Variants in ZNF385D observed in about 807,000 individuals in gnomAD.
ZNF385D encodes the protein zinc finger protein 385D, also known as zinc finger protein 659.
In ZNF385D, 15 loss-of-function variants were observed where a neutral mutation model predicts 35.8. The ratio of observed to expected loss-of-function variants is 0.42; its 90% confidence interval spans 0.28 to 0.64. The LOEUF is 0.64. Ranked by LOEUF, ZNF385D falls within the 30% of genes least tolerant of loss-of-function variation. The pLI is 0.23. For synonymous variants in ZNF385D, 212 were observed against 186.8 expected (o/e 1.13, Z -1.10); for missense variants, 474 against 494.6 (o/e 0.96, Z 0.39).
intron 3 of ZNF385D, among the ~76,000 whole-genome samples, chr3:21,815,166 T>G (rs957997085): frequency 6.6e-6 from 1 of 152,188 alleles, no homozygotes; most frequent in African/African-American, 2.4e-5. Context: ...CCAGAATCTC[T>G]GGGACACATT....
At chr3:21,951,270 T>C (rs1369731431) in intron 3 of ZNF385D, among the ~76,000 whole-genome samples, 1 of 151,708 alleles carries the variant, frequency 6.6e-6, no homozygotes, top group Non-Finnish European at 1.5e-5. Context: ...ACATCCCTTA[T>C]AAGTTGTATA....
intron 3 of ZNF385D, among the ~76,000 whole-genome samples, chr3:22,117,982 CAACTT>C (rs1702894689): frequency 6.6e-6 from 1 of 152,080 alleles, no homozygotes; most frequent in African/African-American, 2.4e-5. Flanking sequence ...AGAATAAAGT[CAACTT>C]AAAAAGGGTC....
At chr3:22,229,770 A>C (rs1304507566) in intron 2 of ZNF385D, among the ~76,000 whole-genome samples, 1 of 151,938 alleles carries the variant, frequency 6.6e-6, no homozygotes, top group Non-Finnish European at 1.5e-5. Flanking sequence ...CCACTGCTGG[A>C]TACGTTCTTT....
chr3:22,257,728 A>T (rs1275578389), intron 2 of ZNF385D, among the ~76,000 whole-genome samples: 1 of 151,790 alleles, frequency 6.6e-6, no homozygotes, highest in Non-Finnish European at 1.5e-5. Context: ...AACTCATACT[A>T]TCACTTTCTC....
intron 2 of ZNF385D, among the ~76,000 whole-genome samples, chr3:22,312,589 G>A (rs9825163): frequency 0.62 from 92,355 of 150,078 alleles, 28,664 homozygotes; most frequent in South Asian, 0.71. Flanking sequence ...AAAAGTGGGT[G>A]AAGGATATGA....
At chr3:21,567,874 T>G (rs1465202055) in intron 2 of ZNF385D, among the ~76,000 whole-genome samples, 1 of 152,188 alleles carries the variant, frequency 6.6e-6, no homozygotes, top group African/African-American at 2.4e-5. Context: ...AGTGACCACA[T>G]TCAATCCAAA....
At chr3:21,941,710 G>A (rs1446222457) in intron 3 of ZNF385D, among the ~76,000 whole-genome samples, 1 of 151,814 alleles carries the variant, frequency 6.6e-6, no homozygotes, top group Non-Finnish European at 1.5e-5. Context: ...TATTAGCTAG[G>A]ATGGTCTCGA....
At chr3:22,336,922 A>AAAAAAAAAAAAAC (rs1695190587) in intron 2 of ZNF385D, among the ~76,000 whole-genome samples, 1 of 145,264 alleles carries the variant, frequency 6.9e-6, no homozygotes, top group Non-Finnish European at 1.5e-5. Flanking sequence ...AAAAAAAAAA[A>AAAAAAAAAAAAAC]AAAAAAAAAA....
chr3:22,197,023 T>C (rs1410878798), intron 2 of ZNF385D, among the ~76,000 whole-genome samples: 1 of 152,126 alleles, frequency 6.6e-6, no homozygotes, highest in Non-Finnish European at 1.5e-5. Flanking sequence ...AATTTGTAAG[T>C]ATTATTCCAT....
intron 3 of ZNF385D, among the ~76,000 whole-genome samples, chr3:21,889,317 G>C (rs1041036794): frequency 6.6e-6 from 1 of 152,210 alleles, no homozygotes; most frequent in African/African-American, 2.4e-5. Flanking sequence ...GAAGGGCAAG[G>C]AGACCTCAGA....
chr3:22,274,690 G>A (rs552803918), intron 2 of ZNF385D, among the ~76,000 whole-genome samples: 2 of 151,500 alleles, frequency 1.3e-5, no homozygotes, highest in South Asian at 2.1e-4. Flanking sequence ...AAGTAAAATA[G>A]GTTTGAATGA....
intron 3 of ZNF385D, among the ~76,000 whole-genome samples, chr3:22,026,948 G>C (rs1412881470): frequency 6.6e-6 from 1 of 152,166 alleles, no homozygotes; most frequent in Non-Finnish European, 1.5e-5. Context: ...TCCAATTTCA[G>C]CTGTTGCACC....
intron 3 of ZNF385D, among the ~76,000 whole-genome samples, chr3:21,758,640 T>G (rs1224698118): frequency 6.6e-6 from 1 of 152,142 alleles, no homozygotes; most frequent in Non-Finnish European, 1.5e-5. Flanking sequence ...CTTTTGTTTG[T>G]ACATTTGCCC....
chr3:21,847,859 C>T (rs1470231946), intron 3 of ZNF385D, among the ~76,000 whole-genome samples: 2 of 152,036 alleles, frequency 1.3e-5, no homozygotes, highest in East Asian at 3.9e-4. Context: ...CATGAGACCA[C>T]ACTTTCACAA....
At chr3:22,014,138 G>A (rs1696738438) in intron 3 of ZNF385D, among the ~76,000 whole-genome samples, 1 of 151,656 alleles carries the variant, frequency 6.6e-6, no homozygotes, top group Non-Finnish European at 1.5e-5. Flanking sequence ...AAATATAGAA[G>A]GTTTTAATAT....
At chr3:22,331,437 A>G (rs541658778) in intron 2 of ZNF385D, among the ~76,000 whole-genome samples, 7 of 152,318 alleles carry the variant, frequency 4.6e-5, no homozygotes, top group South Asian at 4.1e-4. Flanking sequence ...AAAACTTTGA[A>G]TATTTACTTT....
At chr3:21,999,661 T>C (rs2125411777) in intron 3 of ZNF385D, among the ~76,000 whole-genome samples, 1 of 152,164 alleles carries the variant, frequency 6.6e-6, no homozygotes, top group East Asian at 1.9e-4. Context: ...AAATGAGATT[T>C]ATACTAGTAA....
At chr3:21,687,575 A>G (rs1003294728) in intron 1 of ZNF385D, among the ~76,000 whole-genome samples, 2 of 152,062 alleles carry the variant, frequency 1.3e-5, no homozygotes, top group African/African-American at 4.8e-5. Flanking sequence ...TCAACACATC[A>G]TTATTGTCCA....
chr3:22,103,116 T>G (rs1702028708), intron 3 of ZNF385D, among the ~76,000 whole-genome samples: 2 of 151,702 alleles, frequency 1.3e-5, no homozygotes, highest in African/African-American at 4.8e-5. Context: ...ATTAATCATG[T>G]TAATTTAATA....
Sources: allele counts gnomAD v4.1 joint callset (sites outside exome capture counted in the v4.1 genomes callset), GRCh38; gene constraint gnomAD v4.1.1; transcripts MANE v1.5; gene names NCBI Gene and HGNC (gene_info 2026-07-23, HGNC 2026-07-21).